SDK1: variants seen among roughly 807,000 people sequenced by gnomAD.
The protein encoded by SDK1 is sidekick cell adhesion molecule 1.
Under a neutral mutation model 245.5 loss-of-function variants are expected in SDK1, and 157 were observed. The observed-to-expected ratio is 0.64, with a 90% CI of 0.56 to 0.73. The LOEUF (loss-of-function observed/expected upper bound fraction) is 0.73. SDK1 is among the 30% of genes least tolerant of loss of function. The pLI is 0.00. For synonymous variants in SDK1, 1,647 were observed against 1,278.5 expected, an observed-to-expected ratio of 1.29 and a Z score of -6.15; for missense variants, 3,583 against 3,002.3, an observed-to-expected ratio of 1.19 and a Z score of -4.52.
intron 4 of SDK1, among the ~76,000 whole-genome samples, chr7:3,712,806 G>A (rs1424332049): frequency 6.6e-6 from 1 of 152,324 alleles, no homozygotes; most frequent in Non-Finnish European, 1.5e-5. Context: ...TCCTAAAGGA[G>A]CAGAGTCTAA....
intron 4 of SDK1, among the ~76,000 whole-genome samples, chr7:3,681,830 CAG>C (rs1330198285): frequency 6.6e-6 from 1 of 152,158 alleles, no homozygotes; most frequent in Non-Finnish European, 1.5e-5. Flanking sequence ...TTAGAACAAA[CAG>C]AGGTATAACA....
At chr7:3,579,711 C>A (rs186935629) in intron 1 of SDK1, among the ~76,000 whole-genome samples, 1 of 152,232 alleles carries the variant, frequency 6.6e-6, no homozygotes, top group African/African-American at 2.4e-5. Context: ...TACACCCTGT[C>A]AGTTGGAATG....
At chr7:3,651,425 GAA>G (rs1464984311) in intron 4 of SDK1, among the ~76,000 whole-genome samples, 1 of 152,178 alleles carries the variant, frequency 6.6e-6, no homozygotes, top group Admixed American at 6.5e-5. Context: ...TCATTTATTT[GAA>G]AAGTCAGTTG....
At chr7:4,047,871 C>G (rs1789133627) in intron 17 of SDK1, among the ~76,000 whole-genome samples, 2 of 152,184 alleles carry the variant, frequency 1.3e-5, no homozygotes, top group African/African-American at 4.8e-5. Context: ...GATGTTCTTT[C>G]CAATGCTCGG....
At chr7:3,592,736 C>T (rs1168614039) in intron 1 of SDK1, among the ~76,000 whole-genome samples, 1 of 152,118 alleles carries the variant, frequency 6.6e-6, no homozygotes, top group East Asian at 1.9e-4. Context: ...TAAATGTCAC[C>T]GCTTTATATA....
At chr7:3,959,793 C>T (rs544209478) in intron 8 of SDK1, among the ~76,000 whole-genome samples, 3 of 145,732 alleles carry the variant, frequency 2.1e-5, no homozygotes, top group East Asian at 4.0e-4. Context: ...GAAATGTTAC[C>T]TTTTTTTTTT....
chr7:4,186,965 G>A (rs1782932675), intron 35 of SDK1, among the ~76,000 whole-genome samples: 1 of 152,152 alleles, frequency 6.6e-6, no homozygotes, highest in African/African-American at 2.4e-5. Flanking sequence ...GCCTCCTTCT[G>A]GGGGCTGCAA....
chr7:3,777,882 A>T (rs1403439177), intron 4 of SDK1, among the ~76,000 whole-genome samples: 1 of 152,152 alleles, frequency 6.6e-6, no homozygotes, highest in Non-Finnish European at 1.5e-5. Context: ...ACAAAAGGAG[A>T]CATGGTCCTT....
chr7:3,534,315 G>C (rs1014676571), intron 1 of SDK1, among the ~76,000 whole-genome samples: 2 of 152,074 alleles, frequency 1.3e-5, no homozygotes, highest in African/African-American at 4.8e-5. Context: ...AGGTGCTTCT[G>C]TGTCTTGGCT....
At chr7:4,159,119 T>C (rs1214066268) in intron 31 of SDK1, among the ~76,000 whole-genome samples, 5 of 152,220 alleles carry the variant, frequency 3.3e-5, no homozygotes, top group Non-Finnish European at 7.3e-5. Flanking sequence ...TGGTGGGTAA[T>C]AGCTCAGCTC....
intron 41 of SDK1, among the ~76,000 whole-genome samples, chr7:4,237,316 G>A (rs972699172): frequency 2.6e-5 from 4 of 151,998 alleles, no homozygotes; most frequent in African/African-American, 9.7e-5. Context: ...CAGGAAGGGC[G>A]GTTTTGATGG....
intron 22 of SDK1, among the ~76,000 whole-genome samples, chr7:4,084,727 TTA>T (rs1491297745): frequency 1.2e-4 from 11 of 90,782 alleles, no homozygotes; most frequent in African/African-American, 5.9e-4. Flanking sequence ...TTATGTTATG[TTA>T]TGTTGTTACT....
At chr7:3,800,776 C>G (rs578200352) in intron 4 of SDK1, among the ~76,000 whole-genome samples, 1 of 152,084 alleles carries the variant, frequency 6.6e-6, no homozygotes, top group Non-Finnish European at 1.5e-5. Flanking sequence ...CACACCCAAT[C>G]CCTGAATCAG....
intron 2 of SDK1, among the ~76,000 whole-genome samples, chr7:3,631,822 A>G (rs1466410545): frequency 6.6e-6 from 1 of 152,198 alleles, no homozygotes; most frequent in African/African-American, 2.4e-5. Context: ...GAATTGACCA[A>G]ACTACTCTGT....
chr7:4,154,136 A>G (rs1163168697), intron 30 of SDK1, among the ~76,000 whole-genome samples: 1 of 152,232 alleles, frequency 6.6e-6, no homozygotes, highest in Non-Finnish European at 1.5e-5. Flanking sequence ...CTCTGCATTT[A>G]GCTCTGAGGC....
At chr7:3,346,033 C>A (rs373449599) in intron 1 of SDK1, among the ~76,000 whole-genome samples, 10 of 152,136 alleles carry the variant, frequency 6.6e-5, no homozygotes, top group African/African-American at 2.4e-4. Context: ...ACTTGTACTC[C>A]TGGATAAAAT....
intron 1 of SDK1, among the ~76,000 whole-genome samples, chr7:3,575,410 G>A (rs1780252977): frequency 6.6e-6 from 1 of 151,954 alleles, no homozygotes; most frequent in South Asian, 2.1e-4. Flanking sequence ...CATCACATCA[G>A]GGGTTAGGGC....
intron 1 of SDK1, among the ~76,000 whole-genome samples, chr7:3,509,801 C>T (rs923654158): frequency 6.6e-6 from 1 of 152,176 alleles, no homozygotes; most frequent in African/African-American, 2.4e-5. Flanking sequence ...GAGAGCCCCC[C>T]AGGACATACA....
At chr7:4,242,049 C>A (rs1355246226) in intron 43 of SDK1, 136 bp downstream of exon 43, 2 of 1,007,132 alleles carry the variant, frequency 2.0e-6, no homozygotes, top group African/African-American at 1.6e-5. Flanking sequence ...CCGCCAAGTG[C>A]GCTCCCAAAC....
Sources: allele counts gnomAD v4.1 joint callset (sites outside exome capture counted in the v4.1 genomes callset), GRCh38; gene constraint gnomAD v4.1.1; transcripts MANE v1.5; gene names NCBI Gene and HGNC (gene_info 2026-07-23, HGNC 2026-07-21).